Variants in VSTM4 observed in about 807,000 individuals in gnomAD.
VSTM4 encodes V-set and transmembrane domain containing 4.
In VSTM4, 20 loss-of-function variants were observed where a neutral mutation model predicts 36.4. The observed-to-expected ratio is 0.55, with a 90% CI of 0.39 to 0.80. The LOEUF (loss-of-function observed/expected upper bound fraction) is 0.80. Ranked by LOEUF, VSTM4 falls within the 30% of genes least tolerant of loss-of-function variation. The probability of loss-of-function intolerance (pLI) is 0.00; values close to 1 mark genes in which losing one functional copy is unlikely to be tolerated. For missense variants in VSTM4, 392 were observed against 404.5 expected (o/e 0.97, Z 0.26); for synonymous variants, 182 against 173.9 (o/e 1.05, Z -0.37).
intron 5 of VSTM4, among the ~76,000 whole-genome samples, chr10:49,051,318 G>C (rs559279329): frequency 6.6e-6 from 1 of 151,730 alleles, no homozygotes; most frequent in South Asian, 2.1e-4. Context: ...AGCCTTTTCA[G>C]ATTGGCCTCT....
In VSTM4 at chr10:49,115,521, G is replaced by C. The variant is rs943873833; in HGVS notation, c.-36C>G. 2 of 980,296 alleles carry C rather than the reference G, an allele frequency of 2.0e-6. No homozygotes were observed. The highest frequency in any genetic ancestry group is 1.3e-4 in the Admixed American group (2 of 15,746). 60.7% of individuals were successfully genotyped at this position (980,296 alleles called of 1,614,324 possible). ...CCGCCCGGCGCTGTGACGCGGGAGA[G>C]CGCCGCCGCCTGGCCCGGCCGCCGC... is the stretch of plus-strand genomic sequence containing the variant. On this transcript the variant is annotated 5_prime_UTR_variant, in exon 1 of 8. Coordinates refer to ENST00000332853, the MANE Select transcript of VSTM4 (RefSeq NM_001031746.5).
intron 2 of VSTM4, among the ~76,000 whole-genome samples, chr10:49,095,532 G>A (rs7908106): frequency 0.028 from 4,325 of 152,166 alleles, 210 homozygotes; most frequent in African/African-American, 0.099. Flanking sequence ...TAAGTCCATT[G>A]AGTTACTTTT....
At chr10:49,101,964 T>A (rs1056168152) in intron 2 of VSTM4, among the ~76,000 whole-genome samples, 15 of 119,452 alleles carry the variant, frequency 1.3e-4, no homozygotes, top group East Asian at 8.0e-4. Flanking sequence ...AAAATACATG[T>A]GTGTCTGCGT....
At chr10:49,038,074 C>T (rs1007292969) in intron 7 of VSTM4, among the ~76,000 whole-genome samples, 5 of 152,124 alleles carry the variant, frequency 3.3e-5, no homozygotes, top group Admixed American at 6.5e-5. Context: ...ACTAAAAATG[C>T]CATTACCATC....
chr10:49,036,481 A>G, intron 7 of VSTM4, among the ~76,000 whole-genome samples: 1 of 152,168 alleles, frequency 6.6e-6, no homozygotes, highest in East Asian at 1.9e-4. Flanking sequence ...CTTTTCATGT[A>G]AAATTTAACT....
chr10:49,083,465 C>T (rs1356158221), intron 3 of VSTM4, among the ~76,000 whole-genome samples: 2 of 152,196 alleles, frequency 1.3e-5, no homozygotes, highest in African/African-American at 4.8e-5. Flanking sequence ...TACCTCTAAC[C>T]TCGCCAAAGC....
chr10:49,070,735 G>A (rs1223784822), intron 4 of VSTM4, among the ~76,000 whole-genome samples: 1 of 152,226 alleles, frequency 6.6e-6, no homozygotes, highest in African/African-American at 2.4e-5. Context: ...CTCCAGGGAG[G>A]CTAACCAACC....
Position 49,103,455 on chromosome 10 carries a change from C to T in VSTM4, c.457+4139G>A, listed in dbSNP as rs1000511113. 5.2e-6 allele frequency: 5 copies of T among 961,638 alleles called. No homozygotes were observed. The African/African-American group carries it at 6.9e-5, about 13-fold the overall frequency. 59.6% of individuals were successfully genotyped at this position (961,638 alleles called of 1,614,324 possible). On this transcript the variant is annotated intron_variant, in intron 2 of 7. Transcript: ENST00000332853. ...AGATATGGTAAGTCATTTTTATTTT[C>T]TTCTTTAAACCCTTTCAGTATTTTT...
chr10:49,080,536 A>C (rs2131995232), intron 3 of VSTM4, among the ~76,000 whole-genome samples: 1 of 152,352 alleles, frequency 6.6e-6, no homozygotes, highest in South Asian at 2.1e-4. Context: ...CTGAAAATAA[A>C]ATAAGTAGAA....
At chr10:49,115,357 C>T (rs568024249) in intron 1 of VSTM4, 74 bp downstream of exon 1, 2 of 951,872 alleles carry the variant, frequency 2.1e-6, no homozygotes, top group African/African-American at 1.8e-5. Flanking sequence ...CCACCAGGCC[C>T]GGAGCCCCGG....
intron 3 of VSTM4, among the ~76,000 whole-genome samples, chr10:49,080,275 G>C (rs146656993): frequency 3.0e-4 from 45 of 152,340 alleles, no homozygotes; most frequent in African/African-American, 1.1e-3. Flanking sequence ...GGAGTAGCAG[G>C]TGGCTGGCTC....
At chr10:49,023,520 C>A (rs1843212293) in intron 7 of VSTM4, among the ~76,000 whole-genome samples, 1 of 152,174 alleles carries the variant, frequency 6.6e-6, no homozygotes, top group South Asian at 2.1e-4. Flanking sequence ...GGTGGTAAAA[C>A]CAAGAGCCAG....
intron 3 of VSTM4, among the ~76,000 whole-genome samples, chr10:49,081,496 G>C (rs758926391): frequency 2.2e-4 from 34 of 152,252 alleles, no homozygotes; most frequent in Non-Finnish European, 4.7e-4. Flanking sequence ...CAAGGTTGCA[G>C]GTAAGAACCG....
intron 6 of VSTM4, 43 bp from the exon 7 acceptor site, chr10:49,047,087 A>G: frequency 6.3e-7 from 1 of 1,575,024 alleles, no homozygotes; most frequent in Non-Finnish European, 8.7e-7. Flanking sequence ...TTCCTCCCAG[A>G]ACACTTAGTG....
rs1844362726 is a variant in VSTM4 at position 49,085,935 on chromosome 10, A to G, written c.526+20T>C. Reference sequence around the variant, plus strand: ...AAAGCAACTATAGAGCAATAAAAAAAAGAAATATACAAGCTTTACCTTCAA... The same window carrying G: ...AAAGCAACTATAGAGCAATAAAAAAGAGAAATATACAAGCTTTACCTTCAA... On this transcript the variant is annotated intron_variant, in intron 3 of 7. Transcript: ENST00000332853. 2 of 1,514,872 alleles carry G rather than the reference A, an allele frequency of 1.3e-6. No individual in the cohort carries two copies. The highest frequency in any genetic ancestry group is 1.2e-5 in the South Asian group (1 of 80,968). The allele number at this position is 1,514,872 out of a possible 1,614,324, so 93.8% of individuals were successfully genotyped here. A position where few individuals can be genotyped will look rare whatever the true frequency, so the allele number is the denominator to read the frequency against.
chr10:49,051,631 G>A (rs1051667580), intron 5 of VSTM4, among the ~76,000 whole-genome samples: 2 of 152,070 alleles, frequency 1.3e-5, no homozygotes, highest in Non-Finnish European at 2.9e-5. Context: ...CCTGACCTCA[G>A]GTGATCCACC....
At chr10:49,064,880 T>C (rs1843945713) in intron 4 of VSTM4, 144 bp from the exon 5 acceptor site, 7 of 803,390 alleles carry the variant, frequency 8.7e-6, no homozygotes, top group Non-Finnish European at 1.4e-5. Context: ...TGCATTCTTC[T>C]GTTTGGAAGA....
At chr10:49,091,407 C>T (rs965198759) in intron 2 of VSTM4, among the ~76,000 whole-genome samples, 13 of 152,210 alleles carry the variant, frequency 8.5e-5, no homozygotes, top group African/African-American at 2.9e-4. Context: ...CAGGATCAAA[C>T]AGTCAGGAAG....
At chr10:49,052,739 T>A (rs143411160) in intron 5 of VSTM4, among the ~76,000 whole-genome samples, 1 of 152,034 alleles carries the variant, frequency 6.6e-6, no homozygotes, top group Non-Finnish European at 1.5e-5. Context: ...TCTTTTTGGA[T>A]TTTTTTTAAC....
Sources: allele counts gnomAD v4.1 joint callset (sites outside exome capture counted in the v4.1 genomes callset), GRCh38; gene constraint gnomAD v4.1.1; transcripts MANE v1.5; gene names NCBI Gene and HGNC (gene_info 2026-07-23, HGNC 2026-07-21).